The following SPATS2 variants were observed in gnomAD, a reference collection of about 807,000 sequenced individuals.
SPATS2 encodes spermatogenesis associated serine rich 2.
SPATS2 carries 38 observed loss-of-function variants against 63.7 expected under a neutral mutation model. That is an observed-to-expected ratio of 0.60 (90% CI 0.46 to 0.78). SPATS2 has a LOEUF of 0.78. Ranked by LOEUF, SPATS2 falls within the 30% of genes least tolerant of loss-of-function variation. The pLI is 0.00. For synonymous variants in SPATS2, 207 were observed against 232.9 expected, an observed-to-expected ratio of 0.89 and a Z score of 1.01; for missense variants, 588 against 666.2, an observed-to-expected ratio of 0.88 and a Z score of 1.29.
intron 3 of SPATS2, chr12:49,463,496 T>C (rs1206746641): frequency 6.6e-6 from 1 of 152,180 alleles, no homozygotes; most frequent in Non-Finnish European, 1.5e-5. Flanking sequence ...GATTTACACT[T>C]AGTTGGAAAC....
At chr12:49,489,353 G>C in intron 4 of SPATS2, 112 bp from the exon 5 acceptor site, 1 of 711,496 alleles carries the variant, frequency 1.4e-6, no homozygotes, top group Non-Finnish European at 2.3e-6. Context: ...ACTAAAGAGT[G>C]ATACATATTG....
At chr12:49,445,782 A>G (rs1024230870) in intron 2 of SPATS2, among the ~76,000 whole-genome samples, 27 of 152,072 alleles carry the variant, frequency 1.8e-4, no homozygotes, top group Non-Finnish European at 1.5e-5. Flanking sequence ...CGGCCTCCCA[A>G]AGTGCTAGGA....
intron 13 of SPATS2, among the ~76,000 whole-genome samples, chr12:49,525,264 A>G (rs1322947528): frequency 1.3e-5 from 2 of 152,226 alleles, no homozygotes; most frequent in East Asian, 1.9e-4. Context: ...TAGAAGCACA[A>G]TGTGGAATTT....
chr12:49,404,778 C>T (rs1442567621), intron 2 of SPATS2, among the ~76,000 whole-genome samples: 2 of 152,108 alleles, frequency 1.3e-5, no homozygotes, highest in Non-Finnish European at 2.9e-5. Flanking sequence ...TTCCTATGTA[C>T]CAGGGGTTGG....
chr12:49,384,719 C>G (rs1439006218), intron 2 of SPATS2, among the ~76,000 whole-genome samples: 2 of 152,132 alleles, frequency 1.3e-5, no homozygotes, highest in East Asian at 3.8e-4. Flanking sequence ...TATAAGCTCC[C>G]TCCTACAGAG....
At chr12:49,384,676 C>G (rs533150271) in intron 2 of SPATS2, among the ~76,000 whole-genome samples, 1 of 152,286 alleles carries the variant, frequency 6.6e-6, no homozygotes, top group African/African-American at 2.4e-5. Context: ...ATGTATGTTT[C>G]AAATACAATC....
intron 3 of SPATS2, among the ~76,000 whole-genome samples, chr12:49,478,602 A>G (rs180986308): frequency 2.8e-4 from 43 of 152,348 alleles, no homozygotes; most frequent in African/African-American, 8.9e-4. Context: ...TGGCACTTAC[A>G]TAGGCTCTGC....
At chr12:49,384,959 G>A (rs373220858) in intron 2 of SPATS2, among the ~76,000 whole-genome samples, 3 of 152,068 alleles carry the variant, frequency 2.0e-5, no homozygotes, top group South Asian at 2.1e-4. Context: ...ACAGGTGTGC[G>A]CCACCATGCC....
At chr12:49,460,595 A>C (rs528850098) in intron 2 of SPATS2, among the ~76,000 whole-genome samples, 175 bp from the exon 3 acceptor site, 8 of 152,348 alleles carry the variant, frequency 5.3e-5, no homozygotes, top group African/African-American at 1.9e-4. Context: ...ATCTGATTCT[A>C]AGATTAACTT....
chr12:49,402,396 T>G (rs1296920887), intron 2 of SPATS2, among the ~76,000 whole-genome samples: 2 of 151,954 alleles, frequency 1.3e-5, no homozygotes, highest in Non-Finnish European at 2.9e-5. Flanking sequence ...GTCAAAGGAT[T>G]TTTAGAGTTA....
Position 49,427,610 on chromosome 12 carries a change from A to G in SPATS2, c.-243-33160A>G, listed in dbSNP as rs889979117. Among the ~76,000 whole-genome samples the G allele has an allele frequency of 3.3e-5, 5 of 152,254 alleles. No individual in the cohort carries two copies. In the South Asian group the frequency reaches 1.0e-3, roughly 31 times the overall value. On this transcript the variant is annotated intron_variant, in intron 2 of 13. Coordinates refer to ENST00000552918, the MANE Select transcript of SPATS2 (RefSeq NM_023071.4). ...AGTTGTACCAGTTTACATTCCTACC[A>G]GAAATAAATAAGAAATGAAACCCTT...
chr12:49,437,397 C>T (rs1156396610), intron 2 of SPATS2, among the ~76,000 whole-genome samples: 1 of 151,682 alleles, frequency 6.6e-6, no homozygotes, highest in Non-Finnish European at 1.5e-5. Flanking sequence ...GGCGGCCAGG[C>T]AGAGACGCTC....
rs1424221665 is a variant in SPATS2, at chr12:49,389,704, C to T, written c.-244+18414C>T. ...AAGTCGCAAGAACATCGGCCACGGTCCACGTTAGTTATGGGAATCCAGCAA... is the reference window on the plus strand; with the variant it reads ...AAGTCGCAAGAACATCGGCCACGGTTCACGTTAGTTATGGGAATCCAGCAA... On this transcript the variant is annotated intron_variant, in intron 2 of 13. Transcript: ENST00000552918. The T allele has an allele frequency of 3.9e-6, 6 of 1,550,786 alleles. No homozygotes were observed. In the East Asian group the frequency reaches 1.3e-4, roughly 35 times the overall value.
chr12:49,379,398 A>T (rs2137177375), intron 2 of SPATS2, among the ~76,000 whole-genome samples: 1 of 148,806 alleles, frequency 6.7e-6, no homozygotes, highest in East Asian at 2.2e-4. Context: ...ATACAAAAAA[A>T]TAATTAGCCG....
chr12:49,420,286 TG>T (rs1388597145), intron 2 of SPATS2, among the ~76,000 whole-genome samples: 2 of 152,190 alleles, frequency 1.3e-5, no homozygotes, highest in African/African-American at 4.8e-5. Flanking sequence ...GCAAAAATCT[TG>T]ATTTTCATAC....
At chr12:49,430,909 G>A (rs114517960) in intron 2 of SPATS2, among the ~76,000 whole-genome samples, 5,748 of 152,028 alleles carry the variant, frequency 0.038, 340 homozygotes, top group African/African-American at 0.13. Flanking sequence ...CATGTTGGCC[G>A]GGCTAATCTC....
intron 2 of SPATS2, among the ~76,000 whole-genome samples, chr12:49,422,771 A>C (rs1349409889): frequency 6.6e-6 from 1 of 152,036 alleles, no homozygotes; most frequent in East Asian, 1.9e-4. Context: ...AACTAGCTGC[A>C]TGTGGTGGCG....
chr12:49,442,435 C>G (rs1167956807), intron 2 of SPATS2: 1 of 153,306 alleles, frequency 6.5e-6, no homozygotes, highest in Admixed American at 6.5e-5. Flanking sequence ...TTCTTTCTCT[C>G]TTGCTGCGTT....
intron 3 of SPATS2, among the ~76,000 whole-genome samples, chr12:49,464,138 T>A (rs958833054): frequency 3.9e-5 from 6 of 152,166 alleles, no homozygotes; most frequent in Admixed American, 3.3e-4. Flanking sequence ...ACCTTAAAAT[T>A]TGCCCAAGTG....
Sources: gnomAD v4.1 joint callset for allele counts (sites outside exome capture counted in the v4.1 genomes callset) on GRCh38, gnomAD v4.1.1 for gene constraint, MANE v1.5 for transcripts, NCBI Gene and HGNC (gene_info 2026-07-23, HGNC 2026-07-21) for gene names.